COL14A1: variants seen among roughly 807,000 people sequenced by gnomAD.
The protein encoded by COL14A1 is collagen type XIV alpha 1 chain, also known as collagen alpha-1(XIV) chain.
COL14A1 carries 136 observed loss-of-function variants against 230.3 expected under a neutral mutation model. The observed-to-expected ratio is 0.59, with a 90% CI of 0.51 to 0.68. The LOEUF is 0.68. Ranked by LOEUF, COL14A1 falls within the 30% of genes least tolerant of loss-of-function variation. The pLI is 0.00. For missense variants in COL14A1, 1,976 were observed against 2,215.8 expected (o/e 0.89, Z 2.17); for synonymous variants, 792 against 784.1 (o/e 1.01, Z -0.17).
rs188197756 is a variant in COL14A1, at chr8:120,146,619, T to A, written c.-37-1187T>A. Among the ~76,000 whole-genome samples the A allele has an allele frequency of 1.9e-4, 29 of 152,258 alleles. No individual in the cohort carries two copies. The East Asian group carries it at 5.4e-3, about 28-fold the overall frequency. On this transcript the variant is annotated intron_variant, in intron 1 of 47. Coordinates refer to ENST00000297848, the MANE Select transcript of COL14A1 (RefSeq NM_021110.4). ...AATTCCAGATAAACAATGATTTTTT[T>A]AAAAATAGTGTTTTTCAACTATTAC...
chr8:120,197,993 A>ATG, intron 7 of COL14A1, 63 bp downstream of exon 7: 4 of 1,527,004 alleles, frequency 2.6e-6, no homozygotes, highest in Non-Finnish European at 3.6e-6. Context: ...GTATTACCTC[A>ATG]TTTTGCCACT....
At chr8:120,343,457 T>C (rs1240142139) in intron 44 of COL14A1, among the ~76,000 whole-genome samples, 2 of 152,194 alleles carry the variant, frequency 1.3e-5, no homozygotes, top group Admixed American at 1.3e-4. Flanking sequence ...ACAGCTTTGT[T>C]GGCTAAGTCC....
intron 37 of COL14A1, among the ~76,000 whole-genome samples, chr8:120,311,522 C>T (rs1821036191): frequency 6.6e-6 from 1 of 152,172 alleles, no homozygotes; most frequent in African/African-American, 2.4e-5. Context: ...TGATGAATCA[C>T]AGATCCAAGT....
intron 34 of COL14A1, among the ~76,000 whole-genome samples, chr8:120,292,130 A>G (rs1055102602): frequency 3.9e-5 from 6 of 152,110 alleles, no homozygotes; most frequent in African/African-American, 1.4e-4. Context: ...ATATTTCACA[A>G]TGATAGTTTT....
At chr8:120,195,031 C>T (rs1816980825) in intron 5 of COL14A1, among the ~76,000 whole-genome samples, 1 of 152,164 alleles carries the variant, frequency 6.6e-6, no homozygotes, top group Non-Finnish European at 1.5e-5. Flanking sequence ...AAAGTGAATA[C>T]ACAAACTTTG....
At chr8:120,145,783 C>T (rs1454314597) in intron 1 of COL14A1, among the ~76,000 whole-genome samples, 1 of 151,966 alleles carries the variant, frequency 6.6e-6, no homozygotes, top group Non-Finnish European at 1.5e-5. Flanking sequence ...TCTGTATTTC[C>T]AAATAAAAGT....
intron 4 of COL14A1, among the ~76,000 whole-genome samples, chr8:120,167,431 C>A (rs1815941413): frequency 6.6e-6 from 1 of 152,208 alleles, no homozygotes; most frequent in African/African-American, 2.4e-5. Context: ...AGACCACTGA[C>A]ATTTGGCAGG....
intron 14 of COL14A1, among the ~76,000 whole-genome samples, chr8:120,218,633 C>T (rs1817838409): frequency 6.6e-6 from 1 of 152,064 alleles, no homozygotes; most frequent in African/African-American, 2.4e-5. Flanking sequence ...ATTTTGTCTT[C>T]CCATTTTGAG....
intron 20 of COL14A1, among the ~76,000 whole-genome samples, chr8:120,245,514 T>C (rs1337086650): frequency 1.3e-5 from 2 of 152,244 alleles, no homozygotes; most frequent in Admixed American, 1.3e-4. Context: ...TATGATTTTC[T>C]ATTCTTGCAT....
intron 13 of COL14A1, 120 bp from the exon 14 acceptor site, chr8:120,216,231 T>A: frequency 1.3e-6 from 1 of 749,416 alleles, no homozygotes; most frequent in Non-Finnish European, 2.1e-6. Flanking sequence ...TTCAGTGTTA[T>A]AAGTTATTAT....
chr8:120,203,951 A>C, intron 9 of COL14A1, 81 bp downstream of exon 9: 1 of 1,428,660 alleles, frequency 7.0e-7, no homozygotes. Context: ...AATTCTTTTC[A>C]TTTTTCATGT....
intron 33 of COL14A1, among the ~76,000 whole-genome samples, chr8:120,286,216 G>A (rs534869510): frequency 1.3e-5 from 2 of 151,788 alleles, no homozygotes; most frequent in Non-Finnish European, 2.9e-5. Context: ...TCCTCTTTGA[G>A]GAAAAATGTA....
intron 4 of COL14A1, among the ~76,000 whole-genome samples, chr8:120,166,743 C>A (rs1434987633): frequency 6.6e-6 from 1 of 152,002 alleles, no homozygotes; most frequent in Non-Finnish European, 1.5e-5. Context: ...AGACACAAGG[C>A]AACCTTAGTA....
At chr8:120,176,359 C>A (rs906778280) in intron 5 of COL14A1, among the ~76,000 whole-genome samples, 1 of 152,062 alleles carries the variant, frequency 6.6e-6, no homozygotes, top group African/African-American at 2.4e-5. Context: ...GGAGAAGGGC[C>A]AGTTCTGAAT....
intron 9 of COL14A1, among the ~76,000 whole-genome samples, chr8:120,206,120 G>A (rs571923789): frequency 3.3e-5 from 5 of 151,926 alleles, no homozygotes; most frequent in African/African-American, 1.2e-4. Context: ...GCCTGTGTTC[G>A]CTGATGCTTA....
At chr8:120,151,831 C>A (rs1017347421) in intron 2 of COL14A1, among the ~76,000 whole-genome samples, 2 of 150,880 alleles carry the variant, frequency 1.3e-5, no homozygotes, top group Non-Finnish European at 3.0e-5. Context: ...CTGGGTGGGC[C>A]CAATGTAACT....
At chr8:120,200,999 G>A (rs757297320) in intron 8 of COL14A1, among the ~76,000 whole-genome samples, 7 of 151,210 alleles carry the variant, frequency 4.6e-5, no homozygotes, top group Non-Finnish European at 1.0e-4. Context: ...CACTTAAAAA[G>A]TATCCAATAA....
At chr8:120,266,963 G>A (rs1305040058) in intron 25 of COL14A1, 80 bp downstream of exon 25, 4 of 1,209,950 alleles carry the variant, frequency 3.3e-6, no homozygotes, top group Non-Finnish European at 4.9e-6. Flanking sequence ...TTTCAAACCA[G>A]GATATTAATA....
intron 14 of COL14A1, among the ~76,000 whole-genome samples, chr8:120,222,187 A>T (rs1237974301): frequency 6.6e-6 from 1 of 152,212 alleles, no homozygotes; most frequent in East Asian, 1.9e-4. Flanking sequence ...GCTCCCCTAC[A>T]GGATTGTGAT....
Sources: gnomAD v4.1 joint callset for allele counts (sites outside exome capture counted in the v4.1 genomes callset) on GRCh38, gnomAD v4.1.1 for gene constraint, MANE v1.5 for transcripts, NCBI Gene and HGNC (gene_info 2026-07-23, HGNC 2026-07-21) for gene names.